The following CACNA1D variants were observed in gnomAD, a reference collection of about 807,000 sequenced individuals.
CACNA1D encodes the protein calcium voltage-gated channel subunit alpha1 D.
Under a neutral mutation model 257.1 loss-of-function variants are expected in CACNA1D, and 55 were observed. The ratio of observed to expected loss-of-function variants is 0.21; its 90% CI spans 0.17 to 0.27. CACNA1D has a LOEUF of 0.27. CACNA1D is among the 10% of genes least tolerant of loss of function. The pLI, the probability that CACNA1D is intolerant of heterozygous loss-of-function variation, is 1.00. For missense variants in CACNA1D, 1,876 were observed against 2,784.0 expected, an observed-to-expected ratio of 0.67 and a Z score of 7.34; for synonymous variants, 980 against 1,014.9, an observed-to-expected ratio of 0.97 and a Z score of 0.65.
At chr3:53,757,252 C>G (rs933986956) in intron 29 of CACNA1D, among the ~76,000 whole-genome samples, 4 of 151,792 alleles carry the variant, frequency 2.6e-5, no homozygotes, top group Admixed American at 2.6e-4. Context: ...CCCATCTGTT[C>G]TAGATTTACT....
intron 9 of CACNA1D, among the ~76,000 whole-genome samples, chr3:53,714,293 G>A (rs1173665463): frequency 6.6e-6 from 1 of 152,132 alleles, no homozygotes; most frequent in Non-Finnish European, 1.5e-5. Flanking sequence ...CTCTAATAAG[G>A]CCTAGCCACT....
intron 8 of CACNA1D, among the ~76,000 whole-genome samples, chr3:53,701,444 A>G (rs556536568): frequency 6.6e-6 from 1 of 152,148 alleles, no homozygotes; most frequent in Non-Finnish European, 1.5e-5. Flanking sequence ...GGTTAGCTTT[A>G]TGAAAGCAGG....
intron 3 of CACNA1D, among the ~76,000 whole-genome samples, chr3:53,539,907 A>T (rs2092249406): frequency 6.6e-6 from 1 of 152,114 alleles, no homozygotes; most frequent in Non-Finnish European, 1.5e-5. Context: ...TTTCTATTCA[A>T]GTTGTTTCAG....
chr3:53,543,100 A>ACTTAAAGTATAATAATAATAAAATT (rs2092337178), intron 3 of CACNA1D, among the ~76,000 whole-genome samples: 1 of 150,722 alleles, frequency 6.6e-6, no homozygotes, highest in African/African-American at 2.4e-5. Context: ...TTAAAAAAAA[A>ACTTAAAGTATAATAATAATAAAATT]AAAAAGAACA....
Position 53,520,495 on chromosome 3 carries a change from G to A in CACNA1D, c.483+18775G>A, listed in dbSNP as rs2091510250. Among the ~76,000 whole-genome samples, 5 of 152,220 alleles carry A rather than the reference G, an allele frequency of 3.3e-5. No individual in the cohort carries two copies. In the South Asian group the frequency reaches 1.0e-3, roughly 31 times the overall value. ...AATTATTGGTTTGTGGCAGGGCATG[G>A]TGGCTCATGCCTGTAATCCCAGCAC... On this transcript the variant is annotated intron_variant, in intron 3 of 47. Coordinates refer to ENST00000350061, the MANE Select transcript of CACNA1D (RefSeq NM_001128840.3).
chr3:53,599,543 T>A (rs1293819529), intron 3 of CACNA1D, among the ~76,000 whole-genome samples: 1 of 152,146 alleles, frequency 6.6e-6, no homozygotes, highest in East Asian at 1.9e-4. Context: ...ATACCTGAAT[T>A]TGAGTCCTGG....
rs749062022 is a variant in CACNA1D, at chr3:53,501,660, G to A, written c.423G>A (p.Val141=). Residue 141 remains valine (V), a synonymous_variant, in exon 3 of 48, where the codon GTG becomes GTA. Coordinates refer to ENST00000350061, the MANE Select transcript of CACNA1D (RefSeq NM_001128840.3). ...TATTGGCTATTTTTGCCAATTGTGTGGCCTTAGCTATTTACATCCCATTCC... is the reference window on the plus strand; with the variant it reads ...TATTGGCTATTTTTGCCAATTGTGTAGCCTTAGCTATTTACATCCCATTCC... ...FILLAIFANC[V]ALAIYIPFPE... 4 of 1,604,862 alleles carry A rather than the reference G, an allele frequency of 2.5e-6. No individual in the cohort carries two copies. Among genetic ancestry groups the A allele is most frequent in the Non-Finnish European group, 3.4e-6 (4 of 1,172,092 alleles).
intron 8 of CACNA1D, among the ~76,000 whole-genome samples, chr3:53,684,884 C>T (rs1011428732): frequency 6.6e-6 from 1 of 151,620 alleles, no homozygotes; most frequent in African/African-American, 2.4e-5. Flanking sequence ...TGATAATCTC[C>T]AGAGTAATGA....
chr3:53,618,622 C>T (rs908314382), intron 3 of CACNA1D, among the ~76,000 whole-genome samples: 3 of 152,214 alleles, frequency 2.0e-5, no homozygotes, highest in Admixed American at 6.5e-5. Context: ...ATTTATTGCA[C>T]CTGCCCCTCC....
At chr3:53,752,059 G>A in intron 28 of CACNA1D, 152 bp downstream of exon 28, 2 of 777,448 alleles carry the variant, frequency 2.6e-6, no homozygotes, top group Non-Finnish European at 4.6e-6. Context: ...TGTTCTGGCT[G>A]ACAGTTGTCA....
chr3:53,781,925 G>A (rs2095427357), intron 39 of CACNA1D: 3 of 475,928 alleles, frequency 6.3e-6, no homozygotes, highest in East Asian at 3.7e-5. Flanking sequence ...TTTTGGTGGA[G>A]GAATTAATGT....
At position 53,810,264 on chromosome 3, in the gene CACNA1D, A is replaced by C; in HGVS notation, c.6158A>C (p.Asp2053Ala). ...AGCAGCTTCCGGAACAAAAACAGCG[A>C]CAAGCAGAGGAGTGCGGACAGCTTG... Reference protein sequence around the residue: ...VPSSFRNKNSDKQRSADSLVE... With the variant: ...VPSSFRNKNSAKQRSADSLVE... The change falls in exon 47 of 48, where the codon GAC becomes GCC. Residue 2053 changes from aspartate (D) to alanine (A), a missense_variant. Around this residue, in one of 10 missense-constraint regions of CACNA1D, gnomAD observed 491 missense variants for 554.3 expected, o/e 0.89. Transcript: ENST00000350061. 1 of 1,613,790 alleles carries C rather than the reference A, an allele frequency of 6.2e-7. No homozygotes were observed. The highest frequency in any genetic ancestry group is 8.5e-7 in the Non-Finnish European group (1 of 1,180,032).
intron 3 of CACNA1D, among the ~76,000 whole-genome samples, chr3:53,621,470 T>G (rs1419047386): frequency 6.6e-6 from 1 of 152,152 alleles, no homozygotes; most frequent in Non-Finnish European, 1.5e-5. Context: ...TCTCAAAAGT[T>G]GCCTTGGGAG....
At chr3:53,540,750 T>C (rs534533593) in intron 3 of CACNA1D, among the ~76,000 whole-genome samples, 12 of 152,292 alleles carry the variant, frequency 7.9e-5, no homozygotes, top group African/African-American at 2.9e-4. Context: ...TATATGTATA[T>C]ATTTTTTTGA....
intron 29 of CACNA1D, among the ~76,000 whole-genome samples, chr3:53,754,979 A>G (rs2095253890): frequency 6.6e-6 from 1 of 152,244 alleles, no homozygotes; most frequent in South Asian, 2.1e-4. Flanking sequence ...CAGTGGGGTC[A>G]AATTTGGCAC....
chr3:53,555,534 A>G (rs1177351474), intron 3 of CACNA1D, among the ~76,000 whole-genome samples: 6 of 148,908 alleles, frequency 4.0e-5, no homozygotes, highest in African/African-American at 5.0e-5. Flanking sequence ...GGCACATATA[A>G]AAGAGAGATC....
chr3:53,497,550 G>GTT, intron 2 of CACNA1D, 89 bp downstream of exon 2: 2 of 1,329,470 alleles, frequency 1.5e-6, no homozygotes, highest in African/African-American at 1.4e-5. Context: ...ACACAAAGCT[G>GTT]TAGCAGTCTG....
chr3:53,516,469 C>G (rs775099804), intron 3 of CACNA1D, among the ~76,000 whole-genome samples: 5 of 152,200 alleles, frequency 3.3e-5, no homozygotes, highest in Non-Finnish European at 5.9e-5. Flanking sequence ...ACTCATAGCT[C>G]AGGGCTCACC....
intron 47 of CACNA1D, 56 bp downstream of exon 47, chr3:53,810,354 A>C: frequency 6.5e-7 from 1 of 1,544,978 alleles, no homozygotes; most frequent in Non-Finnish European, 8.9e-7. Flanking sequence ...GCAGAGGTGC[A>C]ACTGTAACAG....
Sources: allele counts gnomAD v4.1 joint callset (sites outside exome capture counted in the v4.1 genomes callset), GRCh38; gene constraint gnomAD v4.1.1; regional missense constraint gnomAD v4.1.1; transcripts MANE v1.5; gene names NCBI Gene and HGNC (gene_info 2026-07-23, HGNC 2026-07-21).